CNTN4: variants seen among roughly 807,000 people sequenced by gnomAD.
CNTN4 encodes the protein contactin-4.
CNTN4 carries 77 observed loss-of-function variants against 122.5 expected under a neutral mutation model. That is an observed-to-expected ratio of 0.63 (90% CI 0.52 to 0.76). The LOEUF is 0.76. Among genes scored for constraint, CNTN4 ranks in the 30% least tolerant of loss-of-function variants. CNTN4 has a pLI of 0.00. For missense variants in CNTN4, 1,256 were observed against 1,259.1 expected (o/e 1.00, Z 0.04); for synonymous variants, 512 against 447.0 (o/e 1.15, Z -1.83).
At chr3:2,477,490 A>G (rs1268454176) in intron 3 of CNTN4, among the ~76,000 whole-genome samples, 1 of 152,206 alleles carries the variant, frequency 6.6e-6, no homozygotes, top group Non-Finnish European at 1.5e-5. Flanking sequence ...TATCCTATTT[A>G]CATATGCAGA....
chr3:2,343,773 C>G (rs2044294574), intron 3 of CNTN4, among the ~76,000 whole-genome samples: 1 of 152,178 alleles, frequency 6.6e-6, no homozygotes, highest in Non-Finnish European at 1.5e-5. Flanking sequence ...GTGACATTCT[C>G]AGTCTTTTTT....
Position 2,697,925 on chromosome 3 carries a change from C to T in CNTN4, c.56-38290C>T, listed in dbSNP as rs76422113. Reference sequence around the variant, plus strand: ...AAACTGATTGGATGAGGCCCACCCACAGGTTCCAGGGCAATTTGCTTTATA... The same window carrying T: ...AAACTGATTGGATGAGGCCCACCCATAGGTTCCAGGGCAATTTGCTTTATA... On this transcript the variant is annotated intron_variant, in intron 4 of 24. Coordinates refer to ENST00000418658, the MANE Select transcript of CNTN4 (RefSeq NM_175607.3). 1.5e-3 allele frequency among the ~76,000 whole-genome samples: 231 copies of T among 152,258 alleles called. 8 individuals are homozygous for T. In the East Asian group the frequency reaches 0.031, roughly 21 times the overall value.
intron 3 of CNTN4, among the ~76,000 whole-genome samples, chr3:2,466,026 G>A (rs2075483975): frequency 6.6e-6 from 1 of 152,188 alleles, no homozygotes; most frequent in African/African-American, 2.4e-5. Flanking sequence ...CTGGCTGTCT[G>A]TCAAAGATAC....
At chr3:2,541,295 G>T (rs1275713125) in intron 3 of CNTN4, among the ~76,000 whole-genome samples, 2 of 152,024 alleles carry the variant, frequency 1.3e-5, no homozygotes, top group Non-Finnish European at 2.9e-5. Context: ...TCTTTTTCTG[G>T]AGTGAGGTGA....
intron 2 of CNTN4, among the ~76,000 whole-genome samples, chr3:2,133,446 G>T (rs995460217): frequency 1.3e-5 from 2 of 152,170 alleles, no homozygotes; most frequent in African/African-American, 2.4e-5. Flanking sequence ...GATAATGATG[G>T]TATTTTGCAA....
At chr3:2,627,849 A>G (rs1489557691) in intron 4 of CNTN4, among the ~76,000 whole-genome samples, 1 of 152,222 alleles carries the variant, frequency 6.6e-6, no homozygotes, top group Non-Finnish European at 1.5e-5. Context: ...CAAATTTATT[A>G]TGAATCAGGA....
At chr3:2,651,997 G>A (rs1251668205) in intron 4 of CNTN4, among the ~76,000 whole-genome samples, 1 of 149,886 alleles carries the variant, frequency 6.7e-6, no homozygotes, top group African/African-American at 2.4e-5. Flanking sequence ...GTGACCCACC[G>A]CACCTGGCCA....
chr3:2,915,020 C>T (rs1323579616), intron 12 of CNTN4, among the ~76,000 whole-genome samples: 3 of 152,286 alleles, frequency 2.0e-5, no homozygotes, highest in East Asian at 1.9e-4. Flanking sequence ...ACCAGAACCA[C>T]GTGATCGTTC....
intron 4 of CNTN4, among the ~76,000 whole-genome samples, chr3:2,577,256 G>C (rs901335638): frequency 5.9e-5 from 9 of 152,068 alleles, no homozygotes; most frequent in African/African-American, 2.2e-4. Flanking sequence ...GCTTAGTTTT[G>C]GTCATGTCAG....
chr3:2,706,847 C>T (rs2086770685), intron 4 of CNTN4, among the ~76,000 whole-genome samples: 1 of 152,140 alleles, frequency 6.6e-6, no homozygotes, highest in African/African-American at 2.4e-5. Flanking sequence ...GGACAAGTCT[C>T]TTAAGGTCTC....
chr3:2,483,810 T>C (rs1233733073), intron 3 of CNTN4, among the ~76,000 whole-genome samples: 1 of 152,128 alleles, frequency 6.6e-6, no homozygotes, highest in Non-Finnish European at 1.5e-5. Flanking sequence ...AATTAAACTT[T>C]TTTTCTTTAT....
At chr3:2,239,633 T>C (rs547149713) in intron 2 of CNTN4, among the ~76,000 whole-genome samples, 1 of 152,276 alleles carries the variant, frequency 6.6e-6, no homozygotes, top group South Asian at 2.1e-4. Context: ...ATTTCGTAAT[T>C]CAAAAAGTTG....
intron 4 of CNTN4, among the ~76,000 whole-genome samples, chr3:2,584,697 C>CAA (rs67755648): frequency 9.7e-4 from 71 of 72,990 alleles, no homozygotes; most frequent in East Asian, 4.2e-3. Context: ...AACTCCGTCT[C>CAA]AAAAAAAAAA....
intron 4 of CNTN4, among the ~76,000 whole-genome samples, chr3:2,610,663 G>C (rs1294632608): frequency 6.6e-6 from 1 of 152,174 alleles, no homozygotes; most frequent in Non-Finnish European, 1.5e-5. Context: ...GTAGAGAACA[G>C]ACCATGGAAA....
At chr3:2,482,248 G>A (rs2076026578) in intron 3 of CNTN4, among the ~76,000 whole-genome samples, 1 of 152,150 alleles carries the variant, frequency 6.6e-6, no homozygotes. Flanking sequence ...TGGAGCAGAG[G>A]TGACTTGCTA....
chr3:2,248,057 C>T (rs1408078857), intron 2 of CNTN4, among the ~76,000 whole-genome samples: 2 of 151,900 alleles, frequency 1.3e-5, no homozygotes, highest in Admixed American at 6.6e-5. Flanking sequence ...TTACTATCTC[C>T]TCATGCTAGG....
intron 13 of CNTN4, among the ~76,000 whole-genome samples, chr3:2,950,564 G>T (rs2094729495): frequency 1.3e-5 from 2 of 152,160 alleles, no homozygotes; most frequent in Non-Finnish European, 2.9e-5. Flanking sequence ...CAAAGATGCT[G>T]GACTAGGTCC....
chr3:2,291,997 A>G (rs1559420524), intron 2 of CNTN4, among the ~76,000 whole-genome samples: 1 of 152,156 alleles, frequency 6.6e-6, no homozygotes, highest in Non-Finnish European at 1.5e-5. Context: ...CAGCCTCCCA[A>G]AGTGCTGGGA....
At chr3:2,450,407 G>T (rs1472412686) in intron 3 of CNTN4, among the ~76,000 whole-genome samples, 2 of 142,650 alleles carry the variant, frequency 1.4e-5, no homozygotes, top group Non-Finnish European at 3.2e-5. Context: ...AAATAAAAAA[G>T]ATGCCAGTCA....
Sources: allele counts gnomAD v4.1 joint callset (sites outside exome capture counted in the v4.1 genomes callset), GRCh38; gene constraint gnomAD v4.1.1; transcripts MANE v1.5; gene names NCBI Gene and HGNC (gene_info 2026-07-23, HGNC 2026-07-21).